IPO11: variants seen among roughly 807,000 people sequenced by gnomAD.
The protein encoded by IPO11 is importin-11.
Under a neutral mutation model 143.2 loss-of-function variants are expected in IPO11, and 66 were observed. That is an observed-to-expected ratio of 0.46 (90% CI 0.38 to 0.57). The LOEUF (loss-of-function observed/expected upper bound fraction) is 0.57. Among genes scored for constraint, IPO11 ranks in the 20% least tolerant of loss-of-function variants. IPO11 has a pLI of 0.00. For missense variants in IPO11, 1,026 were observed against 1,141.0 expected (o/e 0.90, Z 1.45); for synonymous variants, 385 against 377.8 (o/e 1.02, Z -0.22).
chr5:62,524,357 G>A (rs1400364139), intron 20 of IPO11, among the ~76,000 whole-genome samples: 1 of 152,118 alleles, frequency 6.6e-6, no homozygotes, highest in Non-Finnish European at 1.5e-5. Flanking sequence ...TTTGAAAGCA[G>A]TGTGTTTAGC....
At chr5:62,619,658 C>T (rs1746273572) in intron 29 of IPO11, among the ~76,000 whole-genome samples, 1 of 151,652 alleles carries the variant, frequency 6.6e-6, no homozygotes, top group Non-Finnish European at 1.5e-5. Context: ...TCAAGACCAT[C>T]CTGGTTAACA....
chr5:62,578,790 CT>C (rs1561370753), intron 27 of IPO11: 2 of 357,112 alleles, frequency 5.6e-6, no homozygotes, highest in African/African-American at 2.4e-5. Context: ...CAAACGGTGA[CT>C]TAAAAAAAAA....
intron 8 of IPO11, among the ~76,000 whole-genome samples, chr5:62,475,203 G>A (rs563318464): frequency 6.6e-6 from 1 of 152,008 alleles, no homozygotes; most frequent in East Asian, 1.9e-4. Context: ...CACCTTGTCT[G>A]GCCAAAATAG....
intron 24 of IPO11, among the ~76,000 whole-genome samples, chr5:62,543,537 T>C (rs1045683096): frequency 2.0e-5 from 3 of 152,354 alleles, no homozygotes; most frequent in African/African-American, 7.2e-5. Flanking sequence ...TGATATCCCC[T>C]TTAACATTTT....
chr5:62,492,632 T>C (rs1746659958), intron 15 of IPO11, among the ~76,000 whole-genome samples: 1 of 152,138 alleles, frequency 6.6e-6, no homozygotes, highest in Non-Finnish European at 1.5e-5. Context: ...CAATCTCTGC[T>C]TCCTGGGCTC....
At chr5:62,530,356 C>T (rs941724515) in intron 21 of IPO11, among the ~76,000 whole-genome samples, 1 of 152,124 alleles carries the variant, frequency 6.6e-6, no homozygotes, top group African/African-American at 2.4e-5. Context: ...AAAAGTCAGC[C>T]CTCCATGTAC....
intron 16 of IPO11, among the ~76,000 whole-genome samples, chr5:62,496,426 C>T (rs904634776): frequency 6.6e-6 from 1 of 152,124 alleles, no homozygotes; most frequent in Non-Finnish European, 1.5e-5. Flanking sequence ...CTGGTGGCTA[C>T]ATCTCACGTT....
chr5:62,515,971 C>T (rs1027220744), intron 20 of IPO11, among the ~76,000 whole-genome samples: 2 of 152,138 alleles, frequency 1.3e-5, no homozygotes, highest in Non-Finnish European at 2.9e-5. Flanking sequence ...GATGTGGTAG[C>T]AGGTAGAGAG....
chr5:62,613,302 T>TTC (rs1296538747), intron 29 of IPO11, among the ~76,000 whole-genome samples: 1 of 139,796 alleles, frequency 7.2e-6, no homozygotes, highest in Non-Finnish European at 1.5e-5. Flanking sequence ...GCTCTTCTTT[T>TTC]TTTTTTTTTT....
In IPO11 at chr5:62,551,427, G is replaced by T. The variant is rs1244150359; in HGVS notation, c.2460+91G>T. 1.1e-5 allele frequency: 8 copies of T among 704,270 alleles called. No homozygotes were observed. The African/African-American group carries it at 1.3e-4, about 11-fold the overall frequency. The allele number at this position is 704,270 out of a possible 1,614,324, so 43.6% of individuals were successfully genotyped here. On this transcript the variant is annotated intron_variant, in intron 26 of 29. Transcript: ENST00000325324. ...GAAATAATGAGTCTTTGTAAAAGTCGCTTTGTAGTATTTAGACCTTTACAT... is the reference window on the plus strand; with the variant it reads ...GAAATAATGAGTCTTTGTAAAAGTCTCTTTGTAGTATTTAGACCTTTACAT...
Position 62,550,477 on chromosome 5 carries a change from T to G in IPO11, c.2346+15T>G. ...TAGAAGGGGAGGTAAGATTTTTCTT[T>G]AAGTTCCAAAGGTAGTGTTAGACTA... On this transcript the variant is annotated intron_variant, in intron 25 of 29. Coordinates refer to ENST00000325324, the MANE Select transcript of IPO11 (RefSeq NM_016338.5). The G allele has an allele frequency of 3.2e-6, 5 of 1,554,908 alleles. No homozygotes were observed. Among genetic ancestry groups the G allele is most frequent in the Non-Finnish European group, 2.7e-6 (3 of 1,128,414 alleles).
chr5:62,607,193 C>G (rs996273994), intron 29 of IPO11, among the ~76,000 whole-genome samples: 5 of 152,288 alleles, frequency 3.3e-5, no homozygotes, highest in African/African-American at 9.6e-5. Flanking sequence ...TGAAAACTTT[C>G]ATTTTGTCTA....
At chr5:62,584,993 A>G (rs775138708) in intron 27 of IPO11, among the ~76,000 whole-genome samples, 49 of 152,182 alleles carry the variant, frequency 3.2e-4, no homozygotes, top group Middle Eastern at 3.2e-3. Flanking sequence ...AGTAGAAGGT[A>G]GTTTTCTTAT....
intron 27 of IPO11, among the ~76,000 whole-genome samples, chr5:62,570,957 G>T (rs111594376): frequency 7.2e-5 from 11 of 152,174 alleles, no homozygotes; most frequent in African/African-American, 2.6e-4. Flanking sequence ...TGAGGTATTG[G>T]GTCCAGAGCC....
intron 29 of IPO11, among the ~76,000 whole-genome samples, chr5:62,609,914 A>G (rs1300054983): frequency 6.6e-6 from 1 of 152,216 alleles, no homozygotes; most frequent in Non-Finnish European, 1.5e-5. Flanking sequence ...TCGTAGTCAC[A>G]TGTGTAGGTC....
chr5:62,452,194 G>A (rs1368931540), intron 5 of IPO11, among the ~76,000 whole-genome samples: 2 of 151,516 alleles, frequency 1.3e-5, no homozygotes, highest in Non-Finnish European at 2.9e-5. Flanking sequence ...GCAATGAGCC[G>A]TGATTGTGTC....
intron 5 of IPO11, among the ~76,000 whole-genome samples, chr5:62,460,026 T>C (rs1745299954): frequency 6.6e-6 from 1 of 152,252 alleles, no homozygotes; most frequent in Admixed American, 6.5e-5. Flanking sequence ...TTTGCTGTTT[T>C]TGCTTTCTGA....
intron 3 of IPO11, among the ~76,000 whole-genome samples, chr5:62,445,778 A>C (rs1744698885): frequency 6.6e-6 from 1 of 152,146 alleles, no homozygotes; most frequent in Non-Finnish European, 1.5e-5. Flanking sequence ...ATATTAAATA[A>C]ATTTTTGACT....
At chr5:62,418,852 T>A in intron 1 of IPO11, 1 of 731,942 alleles carries the variant, frequency 1.4e-6, no homozygotes, top group Non-Finnish European at 2.1e-6. Context: ...GTCTCCTTAT[T>A]CTTATATGCC....
Sources: gnomAD v4.1 joint callset for allele counts (sites outside exome capture counted in the v4.1 genomes callset) on GRCh38, gnomAD v4.1.1 for gene constraint, MANE v1.5 for transcripts, NCBI Gene and HGNC (gene_info 2026-07-23, HGNC 2026-07-21) for gene names.